Variants in UGT1A6 observed in about 807,000 individuals in gnomAD.
UGT1A6 encodes UDP glucuronosyltransferase family 1 member A6.
Under a neutral mutation model 44.4 loss-of-function variants are expected in UGT1A6, and 32 were observed. The ratio of observed to expected loss-of-function variants is 0.72; its 90% CI spans 0.54 to 0.97. The LOEUF (loss-of-function observed/expected upper bound fraction) is 0.97, where lower values mean the gene tolerates loss of function less well. Ranked by LOEUF, UGT1A6 falls within the 50% of genes least tolerant of loss-of-function variation. The pLI is 0.00. For missense variants in UGT1A6, 685 were observed against 661.9 expected, an observed-to-expected ratio of 1.03 and a Z score of -0.38; for synonymous variants, 238 against 248.5, an observed-to-expected ratio of 0.96 and a Z score of 0.40.
At chr2:233,717,276 T>C (rs760496544) in intron 1 of UGT1A6, among the ~76,000 whole-genome samples, 4 of 152,156 alleles carry the variant, frequency 2.6e-5, no homozygotes, top group Admixed American at 1.3e-4. Context: ...GTTGAGAAGC[T>C]GAGATGTTGC....
chr2:233,699,613 A>G (rs902468508), intron 1 of UGT1A6, among the ~76,000 whole-genome samples: 5 of 152,232 alleles, frequency 3.3e-5, no homozygotes, highest in African/African-American at 1.2e-4. Flanking sequence ...ATAGAAAGGA[A>G]TAGAATGCAA....
intron 1 of UGT1A6, chr2:233,719,666 C>A (rs766884257): frequency 1.7e-5 from 27 of 1,614,092 alleles, no homozygotes; most frequent in Non-Finnish European, 2.2e-5. Flanking sequence ...TCAACTGTGC[C>A]AACGGGAAGC....
chr2:233,704,256 C>CCTT (rs1553607929), intron 1 of UGT1A6, among the ~76,000 whole-genome samples: 3 of 123,680 alleles, frequency 2.4e-5, no homozygotes, highest in African/African-American at 9.8e-5. Context: ...GCCTTTATTG[C>CCTT]TTTTTTTTTT....
rs1464490488 is a variant in UGT1A6 at position 233,772,373 on chromosome 2, A to C, written c.1413A>C (p.Pro471=). 1.2e-6 allele frequency: 2 copies of C among 1,614,108 alleles called. No individual in the cohort carries two copies. The highest frequency in any genetic ancestry group is 2.2e-5 in the East Asian group (1 of 44,894). Reference sequence around the variant, plus strand: ...TTGTGATGAGGCACAAGGGCGCGCCACACCTGCGCCCCGCAGCCCACGACC... The same window carrying C: ...TTGTGATGAGGCACAAGGGCGCGCCCCACCTGCGCCCCGCAGCCCACGACC... ...VEFVMRHKGA[P]HLRPAAHDLT... The change falls in exon 5 of 5, where the codon CCA becomes CCC. Residue 471 remains proline, a synonymous_variant. Transcript: ENST00000305139.
At chr2:233,748,029 A>G in intron 1 of UGT1A6, 5 of 1,613,446 alleles carry the variant, frequency 3.1e-6, no homozygotes, top group East Asian at 2.2e-5. Context: ...CATGCCCAAC[A>G]TGGTCTTCAT....
At chr2:233,750,638 T>A (rs1330204251) in intron 1 of UGT1A6, 1 of 150,162 alleles carries the variant, frequency 6.7e-6, no homozygotes, top group Non-Finnish European at 1.5e-5. Context: ...CCCCCTGCTG[T>A]GTGCAGCCTC....
At chr2:233,728,368 C>G (rs1168371708) in intron 1 of UGT1A6, among the ~76,000 whole-genome samples, 11 of 152,282 alleles carry the variant, frequency 7.2e-5, no homozygotes, top group African/African-American at 2.2e-4. Context: ...CTGAACCCAC[C>G]ATGGGTCTTT....
intron 1 of UGT1A6, among the ~76,000 whole-genome samples, chr2:233,717,134 A>G (rs2076550846): frequency 6.6e-6 from 1 of 152,112 alleles, no homozygotes; most frequent in African/African-American, 2.4e-5. Context: ...ATAGAACACC[A>G]CTACATGGAA....
Position 233,772,832 on chromosome 2 carries a change from C to CACACAAGAAAGCCAGCAAGG in UGT1A6, c.*273_*274insACACAAGAAAGCCAGCAAGG. On this transcript the variant is annotated 3_prime_UTR_variant, in exon 5 of 5. Coordinates refer to ENST00000305139, the MANE Select transcript of UGT1A6 (RefSeq NM_001072.4). ...GAGGACGTGCAGACAGGCTGGCATT[C>CACACAAGAAAGCCAGCAAGG]TAGATTACTTTTCTTACTCTGAAAC... is the stretch of plus-strand genomic sequence containing the variant. 1 of 899,520 alleles carries CACACAAGAAAGCCAGCAAGG rather than the reference C, an allele frequency of 1.1e-6. No individual in the cohort carries two copies. The highest frequency in any genetic ancestry group is 1.5e-6 in the Non-Finnish European group (1 of 646,890). The allele number at this position is 899,520 out of a possible 1,614,324, so 55.7% of individuals were successfully genotyped here. A position where few individuals can be genotyped will look rare whatever the true frequency, so the allele number is the denominator to read the frequency against.
At chr2:233,707,056 A>AC (rs1214860717) in intron 1 of UGT1A6, among the ~76,000 whole-genome samples, 2 of 152,112 alleles carry the variant, frequency 1.3e-5, no homozygotes, top group Non-Finnish European at 2.9e-5. Flanking sequence ...GCTCAGGTGG[A>AC]CAGAGTCCCA....
Position 233,696,065 on chromosome 2 carries a change from A to G in UGT1A6, c.861+2200A>G, listed in dbSNP as rs189342937. Among the ~76,000 whole-genome samples the G allele has an allele frequency of 2.0e-5, 3 of 152,352 alleles. No individual in the cohort carries two copies. The East Asian group carries it at 5.8e-4, about 29-fold the overall frequency. On this transcript the variant is annotated intron_variant, in intron 1 of 4. Coordinates refer to ENST00000305139, the MANE Select transcript of UGT1A6 (RefSeq NM_001072.4). ...TTGAAGAATGTAAATTAGTACAGCC[A>G]CTATGAAGAACAGTATGGAGAGTCT...
intron 1 of UGT1A6, among the ~76,000 whole-genome samples, chr2:233,762,802 C>G (rs762572552): frequency 4.6e-5 from 7 of 151,304 alleles, no homozygotes; most frequent in Non-Finnish European, 1.0e-4. Context: ...ACTCAGCTAT[C>G]TCATCAAAAT....
intron 1 of UGT1A6, among the ~76,000 whole-genome samples, chr2:233,745,982 A>G (rs1693272661): frequency 2.0e-5 from 3 of 151,698 alleles, no homozygotes; most frequent in South Asian, 2.1e-4. Flanking sequence ...TGGGACCATG[A>G]CAGCTGGGTC....
At chr2:233,724,803 C>T (rs1387288842) in intron 1 of UGT1A6, among the ~76,000 whole-genome samples, 2 of 138,308 alleles carry the variant, frequency 1.4e-5, no homozygotes, top group South Asian at 5.4e-4. Flanking sequence ...GGGTGGCGGC[C>T]GGGCAGAGGC....
chr2:233,772,514 G>C lies in UGT1A6; in HGVS notation c.1554G>C (p.Gly518=). ...CTTATGGCTACCGGAAATGCTTGGGGAAAAAAGGGCGAGTTAAGAAAGCCC... is the reference window on the plus strand; with the variant it reads ...CTTATGGCTACCGGAAATGCTTGGGCAAAAAAGGGCGAGTTAAGAAAGCCC... ...CCAYGYRKCL[G]KKGRVKKAHK... Residue 518 remains glycine, a synonymous_variant, in exon 5 of 5, where the codon GGG becomes GGC. Transcript: ENST00000305139. The C allele has an allele frequency of 6.2e-7, 1 of 1,614,126 alleles. No individual in the cohort carries two copies. Among genetic ancestry groups the C allele is most frequent in the Non-Finnish European group, 8.5e-7 (1 of 1,180,014 alleles).
At chr2:233,748,569 T>C (rs556466640) in intron 1 of UGT1A6, among the ~76,000 whole-genome samples, 1 of 151,818 alleles carries the variant, frequency 6.6e-6, no homozygotes, top group African/African-American at 2.4e-5. Context: ...GAAGTAGAAG[T>C]GTTAAAGAGG....
chr2:233,769,657 C>A lies in UGT1A6; in HGVS notation c.1301+1218C>A, dbSNP rs551497641. On this transcript the variant is annotated intron_variant, in intron 4 of 4. Coordinates refer to ENST00000305139, the MANE Select transcript of UGT1A6 (RefSeq NM_001072.4). This position sits in a 1 kb window ranked among gnomAD's most constrained non-coding sequence, Gnocchi z 4.4. ...GGGAGGACTGATGACTGACTTCCCACCTTTGAGGTGCTAATGTGTGTGTGG... is the reference window on the plus strand; with the variant it reads ...GGGAGGACTGATGACTGACTTCCCAACTTTGAGGTGCTAATGTGTGTGTGG... 2.5e-6 allele frequency: 4 copies of A among 1,602,364 alleles called. No individual in the cohort carries two copies. Among genetic ancestry groups the A allele is most frequent in the East Asian group, 4.5e-5 (2 of 44,626 alleles).
At chr2:233,726,854 A>G (rs980426931) in intron 1 of UGT1A6, among the ~76,000 whole-genome samples, 2 of 152,058 alleles carry the variant, frequency 1.3e-5, no homozygotes, top group Non-Finnish European at 2.9e-5. Context: ...CCTTTTCTCC[A>G]TAGTCTTCTA....
At chr2:233,722,110 C>T (rs2125686001) in intron 1 of UGT1A6, 2 of 193,306 alleles carry the variant, frequency 1.0e-5, no homozygotes, top group South Asian at 2.1e-4. Flanking sequence ...AGAGGAAGAG[C>T]TATCATCATC....
Sources: gnomAD v4.1 joint callset for allele counts (sites outside exome capture counted in the v4.1 genomes callset) on GRCh38, gnomAD v4.1.1 for gene constraint, Gnocchi (gnomAD v3.1) non-coding constraint, MANE v1.5 for transcripts, NCBI Gene and HGNC (gene_info 2026-07-23, HGNC 2026-07-21) for gene names.